Variants in ITPRIP observed in about 807,000 individuals in gnomAD.
The protein encoded by ITPRIP is inositol 1,4,5-trisphosphate receptor-interacting protein.
Under a neutral mutation model 35.8 loss-of-function variants are expected in ITPRIP, and 32 were observed. The ratio of observed to expected loss-of-function variants is 0.89; its 90% CI spans 0.68 to 1.20. The LOEUF (loss-of-function observed/expected upper bound fraction) is 1.20, where lower values mean the gene tolerates loss of function less well. ITPRIP is among the 50% of genes most tolerant of loss of function. The probability of loss-of-function intolerance (pLI) is 0.00; values close to 1 mark genes in which losing one functional copy is unlikely to be tolerated. For synonymous variants in ITPRIP, 358 were observed against 324.0 expected, an observed-to-expected ratio of 1.11 and a Z score of -1.13; for missense variants, 653 against 735.6, an observed-to-expected ratio of 0.89 and a Z score of 1.30.
At chr10:104,336,494 TGG>T (rs60388927) in intron 1 of ITPRIP, among the ~76,000 whole-genome samples, 9,688 of 74,686 alleles carry the variant, frequency 0.13, 1,107 homozygotes, top group African/African-American at 0.32. Context: ...TATTTTTTTT[TGG>T]GGGGGGGGGG....
chr10:104,319,853 G>A (rs578160029), intron 1 of ITPRIP, among the ~76,000 whole-genome samples: 19 of 152,002 alleles, frequency 1.2e-4, no homozygotes, highest in Admixed American at 1.2e-3. Flanking sequence ...AGGAGGAGCC[G>A]ACAAACCCCA....
intron 1 of ITPRIP, among the ~76,000 whole-genome samples, chr10:104,325,062 A>G (rs1320421172): frequency 6.6e-6 from 1 of 152,158 alleles, no homozygotes. Context: ...TACCAAAAAT[A>G]TAAAAAAACT....
intron 1 of ITPRIP, among the ~76,000 whole-genome samples, chr10:104,337,588 GGGATGGGGTTGA>G (rs1564868821): frequency 6.6e-6 from 1 of 152,122 alleles, no homozygotes; most frequent in Non-Finnish European, 1.5e-5. Flanking sequence ...CAAAGTCACA[GGGATGGGGTTGA>G]GGGTGGGGTT....
In ITPRIP at chr10:104,310,388, C is replaced by T. The variant is rs2013456668; in HGVS notation, c.*4020G>A. ...CTCAAAACCCGCCAATGGCCCACCT[C>T]TGCTTGTTGTGAGGTCCAAATTTAC... On this transcript the variant is annotated 3_prime_UTR_variant, in exon 2 of 2. Transcript: ENST00000337478. The T allele has an allele frequency of 6.6e-6, 1 of 152,164 alleles. No individual in the cohort carries two copies. Among genetic ancestry groups the T allele is most frequent in the Non-Finnish European group, 1.5e-5 (1 of 68,072 alleles). 9.4% of individuals were successfully genotyped at this position (152,164 alleles called of 1,614,324 possible). A position where few individuals can be genotyped will look rare whatever the true frequency, so the allele number is the denominator to read the frequency against.
intron 1 of ITPRIP, among the ~76,000 whole-genome samples, chr10:104,318,286 T>A (rs1484752974): frequency 6.6e-6 from 1 of 152,062 alleles, no homozygotes; most frequent in Non-Finnish European, 1.5e-5. Context: ...GTGATTAACA[T>A]GGGTGAGAAA....
At chr10:104,327,466 C>T (rs1317507552) in intron 1 of ITPRIP, among the ~76,000 whole-genome samples, 1 of 152,132 alleles carries the variant, frequency 6.6e-6, no homozygotes, top group East Asian at 1.9e-4. Context: ...CCTGCACCTC[C>T]CCACCATTCC....
At chr10:104,327,473 T>A (rs1206436358) in intron 1 of ITPRIP, among the ~76,000 whole-genome samples, 2 of 151,998 alleles carry the variant, frequency 1.3e-5, no homozygotes, top group African/African-American at 4.8e-5. Flanking sequence ...CTCCCCACCA[T>A]TCCTGGAAAC....
At chr10:104,336,781 G>A (rs1410855656) in intron 1 of ITPRIP, among the ~76,000 whole-genome samples, 1 of 152,184 alleles carries the variant, frequency 6.6e-6, no homozygotes, top group Non-Finnish European at 1.5e-5. Context: ...AGGACCCCAA[G>A]CTCAGGATGC....
In ITPRIP at chr10:104,315,340, G is replaced by A. The variant is rs761590947; in HGVS notation, c.712C>T (p.Gln238Ter). The change falls in exon 2 of 2, where the codon CAG becomes TAG. Residue 238 changes from glutamine to a stop codon, truncating the protein, a stop_gained. Coordinates refer to ENST00000337478, the MANE Select transcript of ITPRIP (RefSeq NM_001272013.2). LOFTEE classifies it high-confidence loss of function. The surrounding 1 kb of genome is among the most constrained non-coding windows in gnomAD (Gnocchi z 5.7). ...ACCACCTTGATCTGGCCGTAGCCCTGGCGATCCAGGGGCACTGAGCGGCCG... is the reference window on the plus strand; with the variant it reads ...ACCACCTTGATCTGGCCGTAGCCCTAGCGATCCAGGGGCACTGAGCGGCCG... ...CSGRSVPLDRQGYGQIKVVRA... is the reference protein window; with the variant it reads ...CSGRSVPLDR 4.5e-6 allele frequency: 7 copies of A among 1,563,302 alleles called. No homozygotes were observed. The highest frequency in any genetic ancestry group is 1.2e-5 in the South Asian group (1 of 82,748).
chr10:104,312,562 G>A lies in ITPRIP; in HGVS notation c.*1846C>T. 3.2e-6 allele frequency: 3 copies of A among 949,064 alleles called. No homozygotes were observed. Among genetic ancestry groups the A allele is most frequent in the Non-Finnish European group, 3.8e-6 (3 of 796,648 alleles). The allele number at this position is 949,064 out of a possible 1,614,324, so 58.8% of individuals were successfully genotyped here. On this transcript the variant is annotated 3_prime_UTR_variant, in exon 2 of 2. Transcript: ENST00000337478. ...TGCTGTTAGGGACACACTTGAGCTG[G>A]TTCATTCCCTGGAGTGCCCCGCAAC...
Position 104,313,179 on chromosome 10 carries a change from T to A in ITPRIP, c.*1229A>T. The A allele has an allele frequency of 1.0e-6, 1 of 985,582 alleles. No individual in the cohort carries two copies. The highest frequency in any genetic ancestry group is 1.2e-6 in the Non-Finnish European group (1 of 830,066). 61.1% of individuals were successfully genotyped at this position (985,582 alleles called of 1,614,324 possible). A position where few individuals can be genotyped will look rare whatever the true frequency, so the allele number is the denominator to read the frequency against. ...GAGCTAGGTTTCCATAGTTCTTGCTTCCATGCACACCCTGCCCTAGGATTG... is the reference window on the plus strand; with the variant it reads ...GAGCTAGGTTTCCATAGTTCTTGCTACCATGCACACCCTGCCCTAGGATTG... On this transcript the variant is annotated 3_prime_UTR_variant, in exon 2 of 2. Coordinates refer to ENST00000337478, the MANE Select transcript of ITPRIP (RefSeq NM_001272013.2).
intron 1 of ITPRIP, among the ~76,000 whole-genome samples, chr10:104,337,969 C>A (rs1450798287): frequency 6.6e-6 from 1 of 152,174 alleles, no homozygotes; most frequent in African/African-American, 2.4e-5. Context: ...AGGAGCTGCC[C>A]GCAGCCCTGG....
Position 104,314,699 on chromosome 10 carries a change from C to T in ITPRIP, c.1353G>A (p.Ala451=), listed in dbSNP as rs1158822286. Reference sequence around the variant, plus strand: ...CGTGCAGACGAGCGTCCAGCTGCCCCGCCTTCCAGTCGGCGGCCTGCCGGA... The same window carrying T: ...CGTGCAGACGAGCGTCCAGCTGCCCTGCCTTCCAGTCGGCGGCCTGCCGGA... ...LLLRQAADWK[A]GQLDARLHEL... is the part of the protein sequence containing the mutation. Residue 451 remains alanine, a synonymous_variant, in exon 2 of 2, where the codon GCG becomes GCA. Coordinates refer to ENST00000337478, the MANE Select transcript of ITPRIP (RefSeq NM_001272013.2). 11 of 1,613,798 alleles carry T rather than the reference C, an allele frequency of 6.8e-6. No individual in the cohort carries two copies. The highest frequency in any genetic ancestry group is 1.6e-4 in the Middle Eastern group (1 of 6,062).
chr10:104,312,109 A>G lies in ITPRIP; in HGVS notation c.*2299T>C, dbSNP rs2013502590. ...CCTGGGAGCCTCACAGATTTCCTGA[A>G]GTTAAAAACAAACAGTGACCATTTC... On this transcript the variant is annotated 3_prime_UTR_variant, in exon 2 of 2. Transcript: ENST00000337478. 1 of 152,216 alleles carries G rather than the reference A, an allele frequency of 6.6e-6. No homozygotes were observed. Among genetic ancestry groups the G allele is most frequent in the Admixed American group, 6.5e-5 (1 of 15,274 alleles). 9.4% of individuals were successfully genotyped at this position (152,216 alleles called of 1,614,324 possible). A position where few individuals can be genotyped will look rare whatever the true frequency, so the allele number is the denominator to read the frequency against.
chr10:104,322,065 G>A (rs1039441801), intron 1 of ITPRIP, among the ~76,000 whole-genome samples: 1 of 152,126 alleles, frequency 6.6e-6, no homozygotes, highest in Non-Finnish European at 1.5e-5. Context: ...GGCATAAAAG[G>A]CACGTGAGCT....
intron 1 of ITPRIP, among the ~76,000 whole-genome samples, chr10:104,336,505 G>C (rs1451292162): frequency 6.6e-6 from 1 of 150,628 alleles, no homozygotes; most frequent in Non-Finnish European, 1.5e-5. Flanking sequence ...GGGGGGGGGG[G>C]GGCAGCGGGG....
chr10:104,318,689 G>A (rs72825858), intron 1 of ITPRIP, among the ~76,000 whole-genome samples: 1,643 of 152,304 alleles, frequency 0.011, 10 homozygotes, highest in East Asian at 0.02. Context: ...GTGTGCAAGA[G>A]GAAAAGAGGA....
rs2013678442 is a variant in ITPRIP at position 104,316,068 on chromosome 10, G to C, written c.-13-4C>G. The C allele has an allele frequency of 1.3e-6, 2 of 1,544,892 alleles. No homozygotes were observed. The highest frequency in any genetic ancestry group is 2.3e-4 in the Middle Eastern group (1 of 4,318). ...CATGGCCATGGTTGGAGCTTTCCTGGGAACAGAGAGACAGATGGTCACACC... is the reference window on the plus strand; with the variant it reads ...CATGGCCATGGTTGGAGCTTTCCTGCGAACAGAGAGACAGATGGTCACACC... On this transcript the variant is annotated splice_polypyrimidine_tract_variant and splice_region_variant and intron_variant, in intron 1 of 1. Coordinates refer to ENST00000337478, the MANE Select transcript of ITPRIP (RefSeq NM_001272013.2).
intron 1 of ITPRIP, among the ~76,000 whole-genome samples, chr10:104,332,941 G>A (rs376670993): frequency 6.6e-6 from 1 of 152,212 alleles, no homozygotes; most frequent in East Asian, 1.9e-4. Flanking sequence ...AACGCTCCAC[G>A]AGGCCGCTGA....
Sources: allele counts gnomAD v4.1 joint callset (sites outside exome capture counted in the v4.1 genomes callset), GRCh38; gene constraint gnomAD v4.1.1; non-coding constraint Gnocchi (gnomAD v3.1); transcripts MANE v1.5; gene names NCBI Gene and HGNC (gene_info 2026-07-23, HGNC 2026-07-21).